NKAIN3: variants seen among roughly 807,000 people sequenced by gnomAD.
NKAIN3 encodes sodium/potassium transporting ATPase interacting 3.
Under a neutral mutation model 30.2 loss-of-function variants are expected in NKAIN3, and 25 were observed. The observed-to-expected ratio is 0.83, with a 90% CI of 0.60 to 1.16. The LOEUF (loss-of-function observed/expected upper bound fraction) is 1.16. Ranked by LOEUF, NKAIN3 falls within the 50% of genes most tolerant of loss-of-function variation. NKAIN3 has a pLI of 0.00. For missense variants in NKAIN3, 225 were observed against 254.1 expected (o/e 0.89, Z 0.78); for synonymous variants, 91 against 89.6 (o/e 1.02, Z -0.09).
rs936627376 is a variant in NKAIN3, at chr8:62,576,304, G to A, written c.55-3235G>A. On this transcript the variant is annotated intron_variant, in intron 1 of 6. Transcript: ENST00000623646. ...TAATCTGATCAGAAAATGAGCAAAA[G>A]ATGCATTTTTCTTTAGGTCTGCTGA... Among the ~76,000 whole-genome samples the A allele has an allele frequency of 2.0e-4, 30 of 152,222 alleles. 4 individuals are homozygous for A. The highest frequency in any genetic ancestry group is 1.8e-3 in the Admixed American group (28 of 15,266).
intron 4 of NKAIN3, among the ~76,000 whole-genome samples, chr8:62,888,397 T>C (rs1195746806): frequency 6.6e-6 from 1 of 152,170 alleles, no homozygotes; most frequent in Non-Finnish European, 1.5e-5. Flanking sequence ...CAAAAATGTG[T>C]GGGGTCCTCA....
At chr8:62,613,464 T>G (rs951727607) in intron 3 of NKAIN3, among the ~76,000 whole-genome samples, 9 of 152,102 alleles carry the variant, frequency 5.9e-5, no homozygotes, top group African/African-American at 2.2e-4. Flanking sequence ...TTATCCTTGA[T>G]CTTTGGGAGT....
chr8:62,700,580 T>C (rs537328654), intron 3 of NKAIN3, among the ~76,000 whole-genome samples: 2 of 152,346 alleles, frequency 1.3e-5, no homozygotes, highest in East Asian at 3.9e-4. Flanking sequence ...CAGACATGTA[T>C]TATTTAAACC....
intron 1 of NKAIN3, among the ~76,000 whole-genome samples, chr8:62,507,519 GT>G (rs1045332215): frequency 2.0e-5 from 3 of 152,080 alleles, no homozygotes; most frequent in African/African-American, 7.2e-5. Flanking sequence ...TTGTTACATT[GT>G]TTTGGAGAAT....
At chr8:62,385,805 C>A in intron 1 of NKAIN3, among the ~76,000 whole-genome samples, 1 of 152,162 alleles carries the variant, frequency 6.6e-6, no homozygotes, top group Non-Finnish European at 1.5e-5. Flanking sequence ...GTGTTTTGGT[C>A]TGGCTTCTTT....
intron 3 of NKAIN3, among the ~76,000 whole-genome samples, chr8:62,603,059 G>C (rs976408382): frequency 8.5e-5 from 13 of 152,078 alleles, no homozygotes. Context: ...TAAAACTACT[G>C]CTGCAGAATT....
intron 4 of NKAIN3, among the ~76,000 whole-genome samples, chr8:62,783,573 G>A (rs1003640351): frequency 1.1e-4 from 16 of 148,754 alleles, no homozygotes; most frequent in Non-Finnish European, 2.1e-4. Flanking sequence ...TCTGTAAAAC[G>A]TTCCACTTAA....
chr8:62,826,448 T>C (rs1819027834), intron 4 of NKAIN3, among the ~76,000 whole-genome samples: 1 of 152,208 alleles, frequency 6.6e-6, no homozygotes, highest in African/African-American at 2.4e-5. Flanking sequence ...TAATTCAGAA[T>C]TATTAAGTTC....
At chr8:62,571,330 T>A (rs1809931051) in intron 1 of NKAIN3, among the ~76,000 whole-genome samples, 1 of 152,120 alleles carries the variant, frequency 6.6e-6, no homozygotes, top group Non-Finnish European at 1.5e-5. Context: ...GACCAGGGGT[T>A]TCACCATGAT....
At chr8:62,860,682 G>A (rs115103742) in intron 4 of NKAIN3, among the ~76,000 whole-genome samples, 1,628 of 152,286 alleles carry the variant, frequency 0.011, 29 homozygotes, top group African/African-American at 0.038. Context: ...TTGTCCATAT[G>A]CAATGCTGTC....
chr8:62,566,532 A>G (rs2129999643), intron 1 of NKAIN3, among the ~76,000 whole-genome samples: 1 of 152,308 alleles, frequency 6.6e-6, no homozygotes, highest in African/African-American at 2.4e-5. Context: ...TTATATTCTA[A>G]TGGTTGGAGC....
intron 1 of NKAIN3, among the ~76,000 whole-genome samples, chr8:62,573,153 C>T (rs1221824922): frequency 6.6e-6 from 1 of 152,174 alleles, no homozygotes; most frequent in Non-Finnish European, 1.5e-5. Flanking sequence ...AGACACATAA[C>T]ATTCAGCCCA....
At chr8:62,790,818 T>A (rs778151737) in intron 4 of NKAIN3, among the ~76,000 whole-genome samples, 1 of 151,950 alleles carries the variant, frequency 6.6e-6, no homozygotes, top group African/African-American at 2.4e-5. Context: ...GGGTGCATAA[T>A]CCTCCCATCA....
At chr8:62,804,121 A>G (rs1056940037) in intron 4 of NKAIN3, among the ~76,000 whole-genome samples, 2 of 152,196 alleles carry the variant, frequency 1.3e-5, no homozygotes, top group Non-Finnish European at 2.9e-5. Flanking sequence ...GCAATAATCA[A>G]TAGCTTACCA....
Position 62,549,480 on chromosome 8 carries a change from A to T in NKAIN3, c.55-30059A>T, listed in dbSNP as rs1410279492. Among the ~76,000 whole-genome samples, 9 of 152,284 alleles carry T rather than the reference A, an allele frequency of 5.9e-5. No individual in the cohort carries two copies. In the East Asian group the frequency reaches 1.7e-3, roughly 29 times the overall value. On this transcript the variant is annotated intron_variant, in intron 1 of 6. Coordinates refer to ENST00000623646, the MANE Select transcript of NKAIN3 (RefSeq NM_001304533.3). ...CTGCTTAAAACTGAAAAATTTAAAAAGGTTTTCCCATAAAACCAGCTAGTG... is the reference window on the plus strand; with the variant it reads ...CTGCTTAAAACTGAAAAATTTAAAATGGTTTTCCCATAAAACCAGCTAGTG...
At chr8:62,640,198 A>G (rs933558960) in intron 3 of NKAIN3, among the ~76,000 whole-genome samples, 2 of 152,042 alleles carry the variant, frequency 1.3e-5, no homozygotes, top group Non-Finnish European at 2.9e-5. Context: ...TTGTATCCCC[A>G]CCCAAATCTC....
chr8:62,667,542 G>A (rs897650454), intron 3 of NKAIN3, among the ~76,000 whole-genome samples: 2 of 151,278 alleles, frequency 1.3e-5, no homozygotes, highest in Non-Finnish European at 2.9e-5. Flanking sequence ...GTTCATCCTC[G>A]ATTCAAGACA....
chr8:62,391,991 A>G (rs1323562968), intron 1 of NKAIN3, among the ~76,000 whole-genome samples: 1 of 152,060 alleles, frequency 6.6e-6, no homozygotes, highest in Admixed American at 6.5e-5. Context: ...TCTCTCAATG[A>G]CGACAACAAC....
intron 1 of NKAIN3, among the ~76,000 whole-genome samples, chr8:62,506,415 G>A (rs1807640406): frequency 6.6e-6 from 1 of 151,352 alleles, no homozygotes; most frequent in Non-Finnish European, 1.5e-5. Context: ...TGCTATTTGT[G>A]CATGTGCAAC....
Sources: gnomAD v4.1 joint callset for allele counts (sites outside exome capture counted in the v4.1 genomes callset) on GRCh38, gnomAD v4.1.1 for gene constraint, MANE v1.5 for transcripts, NCBI Gene and HGNC (gene_info 2026-07-23, HGNC 2026-07-21) for gene names.